The following ASAP1 variants were observed in gnomAD, a reference collection of about 807,000 sequenced individuals.
The protein encoded by ASAP1 is arf-GAP with SH3 domain, ANK repeat and PH domain-containing protein 1.
ASAP1 carries 43 observed loss-of-function variants against 145.2 expected under a neutral mutation model. The observed-to-expected ratio is 0.30, with a 90% CI of 0.23 to 0.38. ASAP1 has a LOEUF of 0.38. Among genes scored for constraint, ASAP1 ranks in the 10% least tolerant of loss-of-function variants. The pLI, the probability that ASAP1 is intolerant of heterozygous loss-of-function variation, is 1.00. For missense variants in ASAP1, 1,018 were observed against 1,355.3 expected (o/e 0.75, Z 3.91); for synonymous variants, 546 against 515.5 (o/e 1.06, Z -0.80).
At chr8:130,281,174 T>C (rs1177012434) in intron 3 of ASAP1, among the ~76,000 whole-genome samples, 1 of 152,136 alleles carries the variant, frequency 6.6e-6, no homozygotes, top group African/African-American at 2.4e-5. Context: ...AATTACCTTA[T>C]CTGTAAAACT....
At chr8:130,224,172 T>C (rs979712357) in intron 4 of ASAP1, among the ~76,000 whole-genome samples, 1 of 152,172 alleles carries the variant, frequency 6.6e-6, no homozygotes, top group African/African-American at 2.4e-5. Context: ...TGGATTCTCC[T>C]AGAACAAGTC....
intron 15 of ASAP1, among the ~76,000 whole-genome samples, chr8:130,130,939 G>A (rs564051998): frequency 2.4e-4 from 36 of 152,064 alleles, no homozygotes; most frequent in Non-Finnish European, 4.1e-4. Context: ...GGCAAATCAC[G>A]AGGTCAGGAG....
At chr8:130,072,830 C>CGTGCGT (rs1448184178) in intron 27 of ASAP1, among the ~76,000 whole-genome samples, 1 of 31,922 alleles carries the variant, frequency 3.1e-5, no homozygotes. Context: ...TGTGTGCGCG[C>CGTGCGT]GGGGGGGGGC....
At chr8:130,251,896 T>A (rs1819219827) in intron 3 of ASAP1, among the ~76,000 whole-genome samples, 1 of 152,200 alleles carries the variant, frequency 6.6e-6, no homozygotes, top group Admixed American at 6.5e-5. Context: ...GGAGAGGCTT[T>A]GGAGAAATGG....
At chr8:130,058,920 G>A (rs1163379226) in intron 28 of ASAP1, among the ~76,000 whole-genome samples, 4 of 152,160 alleles carry the variant, frequency 2.6e-5, no homozygotes, top group East Asian at 3.9e-4. Context: ...CAGTGACTGC[G>A]TGAGCAACTG....
intron 25 of ASAP1, among the ~76,000 whole-genome samples, chr8:130,081,114 G>T (rs532493641): frequency 1.1e-4 from 16 of 152,344 alleles, no homozygotes; most frequent in South Asian, 6.2e-4. Context: ...CAATTGAGGA[G>T]AATAGTTTCT....
chr8:130,297,609 A>G (rs1822366693), intron 3 of ASAP1, among the ~76,000 whole-genome samples: 1 of 152,158 alleles, frequency 6.6e-6, no homozygotes, highest in African/African-American at 2.4e-5. Context: ...TCCCATCACA[A>G]TAAAACCCCC....
At chr8:130,423,869 A>C (rs542355774) in intron 1 of ASAP1, among the ~76,000 whole-genome samples, 1 of 152,106 alleles carries the variant, frequency 6.6e-6, no homozygotes, top group Non-Finnish European at 1.5e-5. Flanking sequence ...AATTGTGCAG[A>C]AAGTACTTTA....
intron 3 of ASAP1, among the ~76,000 whole-genome samples, chr8:130,336,977 T>C (rs192954793): frequency 2.0e-5 from 3 of 152,300 alleles, no homozygotes; most frequent in Non-Finnish European, 4.4e-5. Context: ...AGTTTTGATC[T>C]CTCAGAACCC....
At chr8:130,056,538 T>C (rs1453717691) in intron 29 of ASAP1, among the ~76,000 whole-genome samples, 8 of 152,214 alleles carry the variant, frequency 5.3e-5, no homozygotes, top group Admixed American at 3.9e-4. Context: ...TTTCCAGATA[T>C]TGTAAATGTC....
In ASAP1 at chr8:130,358,240, C is replaced by G; in HGVS notation, c.60-97G>C. 1 of 960,802 alleles carries G rather than the reference C, an allele frequency of 1.0e-6. No individual in the cohort carries two copies. Among genetic ancestry groups the G allele is most frequent in the Non-Finnish European group, 1.3e-6 (1 of 769,716 alleles). The allele number at this position is 960,802 out of a possible 1,614,324, so 59.5% of individuals were successfully genotyped here. On this transcript the variant is annotated intron_variant, in intron 2 of 29. Coordinates refer to ENST00000518721, the MANE Select transcript of ASAP1 (RefSeq NM_018482.4). This position sits in a 1 kb window ranked among gnomAD's most constrained non-coding sequence, Gnocchi z 4.1. ...GCCCGGAGGCTCATGAACCCCGGCG[C>G]GCAGCCCGCCACCCGCCGCCCGGCC...
At chr8:130,374,389 G>A (rs1225772447) in intron 2 of ASAP1, among the ~76,000 whole-genome samples, 1 of 152,184 alleles carries the variant, frequency 6.6e-6, no homozygotes, top group African/African-American at 2.4e-5. Flanking sequence ...AAAGGATAGG[G>A]CTGGGACCAG....
At chr8:130,294,246 A>G (rs1822120248) in intron 3 of ASAP1, among the ~76,000 whole-genome samples, 1 of 152,218 alleles carries the variant, frequency 6.6e-6, no homozygotes, top group Admixed American at 6.5e-5. Context: ...TTCTCGATGT[A>G]CTCATAAGAC....
intron 14 of ASAP1, among the ~76,000 whole-genome samples, chr8:130,135,677 G>A (rs1011194886): frequency 1.3e-5 from 2 of 152,140 alleles, no homozygotes. Context: ...GCTTTCATGA[G>A]GATTAGCACT....
chr8:130,356,882 T>C (rs901229468), intron 3 of ASAP1, among the ~76,000 whole-genome samples: 1 of 151,962 alleles, frequency 6.6e-6, no homozygotes, highest in Non-Finnish European at 1.5e-5. Flanking sequence ...GTCCTTGGGG[T>C]GGGGGGCTTA....
chr8:130,294,553 G>A (rs1405753619), intron 3 of ASAP1, among the ~76,000 whole-genome samples: 1 of 152,218 alleles, frequency 6.6e-6, no homozygotes, highest in Non-Finnish European at 1.5e-5. Flanking sequence ...GCACCTTCAT[G>A]CAGTCAGAAA....
At chr8:130,240,874 T>C (rs766249208) in intron 3 of ASAP1, among the ~76,000 whole-genome samples, 2 of 152,126 alleles carry the variant, frequency 1.3e-5, no homozygotes, top group Non-Finnish European at 2.9e-5. Flanking sequence ...CCAGAGAAGA[T>C]GCAGGCTGCT....
chr8:130,290,135 A>G (rs1252861582), intron 3 of ASAP1, among the ~76,000 whole-genome samples: 1 of 152,206 alleles, frequency 6.6e-6, no homozygotes, highest in Non-Finnish European at 1.5e-5. Flanking sequence ...TGGTCCATAA[A>G]TATCTGCAGA....
At chr8:130,433,381 C>G (rs543549406) in intron 1 of ASAP1, among the ~76,000 whole-genome samples, 1 of 152,298 alleles carries the variant, frequency 6.6e-6, no homozygotes, top group East Asian at 1.9e-4. Context: ...TAGGGAAATC[C>G]TGCCTATCTT....
Sources: gnomAD v4.1 joint callset for allele counts (sites outside exome capture counted in the v4.1 genomes callset) on GRCh38, gnomAD v4.1.1 for gene constraint, Gnocchi (gnomAD v3.1) non-coding constraint, MANE v1.5 for transcripts, NCBI Gene and HGNC (gene_info 2026-07-23, HGNC 2026-07-21) for gene names.